The following C6orf62 variants were observed in gnomAD, a reference collection of about 807,000 sequenced individuals.
C6orf62 encodes chromosome 6 open reading frame 62, also known as uncharacterized protein C6orf62.
Under a neutral mutation model 26.8 loss-of-function variants are expected in C6orf62, and 16 were observed. The ratio of observed to expected loss-of-function variants is 0.60; its 90% CI spans 0.40 to 0.91. The LOEUF is 0.91. Among genes scored for constraint, C6orf62 ranks in the 40% least tolerant of loss-of-function variants. The probability of loss-of-function intolerance (pLI) is 0.00; values close to 1 mark genes in which losing one functional copy is unlikely to be tolerated. For synonymous variants in C6orf62, 112 were observed against 91.5 expected, an observed-to-expected ratio of 1.22 and a Z score of -1.28; for missense variants, 192 against 271.4, an observed-to-expected ratio of 0.71 and a Z score of 2.06.
intron 3 of C6orf62, among the ~76,000 whole-genome samples, chr6:24,712,326 G>A (rs1237691753): frequency 6.6e-6 from 1 of 151,970 alleles, no homozygotes; most frequent in Non-Finnish European, 1.5e-5. Context: ...AGGTTGCAGT[G>A]AGCCAAGATC....
intron 3 of C6orf62, among the ~76,000 whole-genome samples, chr6:24,712,612 T>C (rs1207592953): frequency 1.4e-5 from 2 of 142,242 alleles, no homozygotes; most frequent in African/African-American, 2.7e-5. Flanking sequence ...GAGGCAGAGG[T>C]TGCAAGGAGG....
rs1217503940 is a variant in C6orf62, at chr6:24,705,639, A to G, written c.*498T>C. 2 of 152,608 alleles carry G rather than the reference A, an allele frequency of 1.3e-5. No individual in the cohort carries two copies. Among genetic ancestry groups the G allele is most frequent in the Non-Finnish European group, 2.9e-5 (2 of 68,044 alleles). 9.5% of individuals were successfully genotyped at this position (152,608 alleles called of 1,614,324 possible). On this transcript the variant is annotated 3_prime_UTR_variant, in exon 5 of 5. Coordinates refer to ENST00000378119, the MANE Select transcript of C6orf62 (RefSeq NM_030939.5). ...TGGTTGTATTTTCTTTTTTTAAACC[A>G]GTTCTGGTCATTAGAATGTATCTGA...
upstream of C6orf62, chr6:24,720,459 G>T: frequency 1.9e-6 from 2 of 1,039,496 alleles, no homozygotes; most frequent in African/African-American, 1.7e-5. Context: ...CGGCGCCCTG[G>T]GCGGCAACGG....
At chr6:24,711,875 A>G (rs1779127479) in intron 3 of C6orf62, among the ~76,000 whole-genome samples, 1 of 152,184 alleles carries the variant, frequency 6.6e-6, no homozygotes, top group African/African-American at 2.4e-5. Flanking sequence ...TAAAGTCATT[A>G]CCTACATCAT....
intron 1 of C6orf62, among the ~76,000 whole-genome samples, chr6:24,717,376 G>A (rs924478380): frequency 6.6e-6 from 1 of 152,174 alleles, no homozygotes; most frequent in Non-Finnish European, 1.5e-5. Flanking sequence ...AACAAAAGTG[G>A]AGATGTAAGT....
chr6:24,719,782 G>A, upstream of C6orf62: 4 of 1,546,508 alleles, frequency 2.6e-6, no homozygotes, highest in Non-Finnish European at 3.5e-6. Context: ...CCAAATCCCA[G>A]GCGGTGCCCG....
At chr6:24,717,592 A>G (rs976524713) in intron 1 of C6orf62, among the ~76,000 whole-genome samples, 1 of 152,224 alleles carries the variant, frequency 6.6e-6, no homozygotes, top group Non-Finnish European at 1.5e-5. Context: ...CCAGGAGTTC[A>G]AGACTAGCCT....
At chr6:24,718,245 GT>G (rs1344287921) in intron 1 of C6orf62, among the ~76,000 whole-genome samples, 7 of 152,098 alleles carry the variant, frequency 4.6e-5, no homozygotes, top group African/African-American at 1.4e-4. Flanking sequence ...GGTTTCCCAT[GT>G]TAACTCCATA....
intron 2 of C6orf62, among the ~76,000 whole-genome samples, chr6:24,714,710 G>C (rs542846697): frequency 1.3e-5 from 2 of 152,260 alleles, no homozygotes; most frequent in East Asian, 3.9e-4. Flanking sequence ...CCGCCTACCA[G>C]GTTCAAGCGA....
rs950405751 is a variant in C6orf62 at position 24,710,036 on chromosome 6, A to G, written c.430-1125T>C. On this transcript the variant is annotated intron_variant, in intron 3 of 4. Coordinates refer to ENST00000378119, the MANE Select transcript of C6orf62 (RefSeq NM_030939.5). The stretch of plus-strand genomic sequence containing the variant: ...ATATGATACAGCATCACAATATACC[A>G]TATGTAAAATGATACTGAATTGTAC... 6.9e-5 allele frequency: 68 copies of G among 982,806 alleles called. No individual in the cohort carries two copies. The African/African-American group carries it at 7.0e-4, about 10-fold the overall frequency. 60.9% of individuals were successfully genotyped at this position (982,806 alleles called of 1,614,324 possible). A position where few individuals can be genotyped will look rare whatever the true frequency, so the allele number is the denominator to read the frequency against.
chr6:24,716,160 C>T lies in C6orf62; in HGVS notation c.294G>A (p.Gln98=). 7 of 1,613,836 alleles carry T rather than the reference C, an allele frequency of 4.3e-6. No homozygotes were observed. Among genetic ancestry groups the T allele is most frequent in the Non-Finnish European group, 5.9e-6 (7 of 1,179,820 alleles). Residue 98 remains glutamine, a synonymous_variant, in exon 2 of 5, where the codon CAG becomes CAA. Transcript: ENST00000378119. ...DVVQLHAPRY[Q]SMRRDVIGCT... ...AGGCAGAACTTACCCTTCTCATAGA[C>T]TGATATCGAGGAGCATGGAGCTGTA...
chr6:24,718,742 T>C lies in C6orf62; in HGVS notation c.-74A>G. 6.3e-7 allele frequency: 1 copy of C among 1,588,636 alleles called. No homozygotes were observed. Among genetic ancestry groups the C allele is most frequent in the African/African-American group, 1.4e-5 (1 of 73,134 alleles). On this transcript the variant is annotated 5_prime_UTR_variant, in exon 1 of 5. Coordinates refer to ENST00000378119, the MANE Select transcript of C6orf62 (RefSeq NM_030939.5). ...TGGGCACTTTTTCTTAAGACTCAAG[T>C]ACAACAGAAACAAGTCATTTTTTTT...
At chr6:24,706,565 A>G (rs1779013357) in intron 4 of C6orf62, among the ~76,000 whole-genome samples, 1 of 152,174 alleles carries the variant, frequency 6.6e-6, no homozygotes, top group South Asian at 2.1e-4. Context: ...TATATAGAGG[A>G]AGATAAAGCA....
At position 24,716,441 on chromosome 6, in the gene C6orf62, C is replaced by T. The variant is rs1041268826; in HGVS notation, c.130-117G>A. 5.8e-6 allele frequency: 4 copies of T among 690,586 alleles called. No homozygotes were observed. The Admixed American group carries it at 8.3e-5, about 14-fold the overall frequency. 42.8% of individuals were successfully genotyped at this position (690,586 alleles called of 1,614,324 possible). A position where few individuals can be genotyped will look rare whatever the true frequency, so the allele number is the denominator to read the frequency against. ...CAAAATTCTTAACTGTCTGCAGTAA[C>T]TTATACACTGAAAACACATTTTCAG... On this transcript the variant is annotated intron_variant, in intron 1 of 4. Coordinates refer to ENST00000378119, the MANE Select transcript of C6orf62 (RefSeq NM_030939.5).
chr6:24,720,176 G>A (rs917445854), upstream of C6orf62: 9 of 1,359,390 alleles, frequency 6.6e-6, no homozygotes, highest in African/African-American at 7.5e-5. Context: ...GGGTGACGGG[G>A]AAATCCCCTC....
chr6:24,720,249 C>G, upstream of C6orf62: 3 of 1,296,168 alleles, frequency 2.3e-6, no homozygotes, highest in Non-Finnish European at 1.9e-6. Flanking sequence ...GCCCTCTAGC[C>G]GCAGCCTGCG....
chr6:24,719,173 A>AC, upstream of C6orf62: 1 of 985,500 alleles, frequency 1.0e-6, no homozygotes, highest in African/African-American at 1.8e-5. Context: ...AAAAAAAAAA[A>AC]AACTCACCAA....
rs1778983058 is a variant in C6orf62 at position 24,705,189 on chromosome 6, T to C, written c.*948A>G. The C allele has an allele frequency of 6.6e-6, 1 of 152,600 alleles. No homozygotes were observed. The highest frequency in any genetic ancestry group is 2.1e-4 in the South Asian group (1 of 4,832). The allele number at this position is 152,600 out of a possible 1,614,324, so 9.5% of individuals were successfully genotyped here. The stretch of plus-strand genomic sequence containing the variant: ...TTTACAATTTAAGATTCCAACTTTA[T>C]AACCTTTTTTCTACTCCAAAACACC... On this transcript the variant is annotated 3_prime_UTR_variant, in exon 5 of 5. Coordinates refer to ENST00000378119, the MANE Select transcript of C6orf62 (RefSeq NM_030939.5).
chr6:24,709,110 C>T (rs749600462), intron 3 of C6orf62, 199 bp from the exon 4 acceptor site: 13 of 980,708 alleles, frequency 1.3e-5, no homozygotes, highest in Non-Finnish European at 1.6e-5. Flanking sequence ...CAATTCCATT[C>T]TTCAGTAGCA....
Sources: gnomAD v4.1 joint callset for allele counts (sites outside exome capture counted in the v4.1 genomes callset) on GRCh38, gnomAD v4.1.1 for gene constraint, MANE v1.5 for transcripts, NCBI Gene and HGNC (gene_info 2026-07-23, HGNC 2026-07-21) for gene names.